ABI3BP: variants seen among roughly 807,000 people sequenced by gnomAD.
ABI3BP encodes the protein target of Nesh-SH3.
ABI3BP carries 216 observed loss-of-function variants against 268.6 expected under a neutral mutation model. The ratio of observed to expected loss-of-function variants is 0.80; its 90% CI spans 0.72 to 0.90. ABI3BP has a LOEUF of 0.90. ABI3BP is among the 40% of genes least tolerant of loss of function. ABI3BP has a pLI of 0.00. For synonymous variants in ABI3BP, 730 were observed against 730.0 expected, an observed-to-expected ratio of 1.00 and a Z score of 0.00; for missense variants, 2,090 against 2,182.4, an observed-to-expected ratio of 0.96 and a Z score of 0.84.
intron 67 of ABI3BP, among the ~76,000 whole-genome samples, 160 bp from the exon 68 acceptor site, chr3:100,750,770 G>A (rs114989020): frequency 0.01 from 1,568 of 152,212 alleles, 27 homozygotes; most frequent in African/African-American, 0.035. Flanking sequence ...TTTTTCCTGA[G>A]GTGTAGTCAT....
rs548618216 is a variant in ABI3BP, at chr3:100,811,247, G to T, written c.3524C>A (p.Pro1175Gln). Reference protein sequence around the residue: ...VVESITYVSEPPETTLETSPL... With the variant: ...VVESITYVSEQPETTLETSPL... Reference sequence around the variant, plus strand: ...GTTATTACCTAGTGTGGTCTCAGGTGGTTCAGATACATATGTAATAGATTC... The same window carrying T: ...GTTATTACCTAGTGTGGTCTCAGGTTGTTCAGATACATATGTAATAGATTC... The change falls in exon 48 of 68, where the codon CCA becomes CAA. Residue 1175 changes from proline (P) to glutamine (Q), a missense_variant. Coordinates refer to ENST00000471714, the MANE Select transcript of ABI3BP (RefSeq NM_001375547.2). 254 of 1,534,352 alleles carry T rather than the reference G, an allele frequency of 1.7e-4. 1 individual carries two copies. The African/African-American group carries it at 2.7e-3, about 17-fold the overall frequency.
intron 1 of ABI3BP, among the ~76,000 whole-genome samples, chr3:100,932,309 A>G (rs2063914392): frequency 1.3e-5 from 2 of 150,666 alleles, no homozygotes; most frequent in Non-Finnish European, 3.0e-5. Flanking sequence ...ATTTCATGAC[A>G]AAGTCTCCCA....
At chr3:100,989,398 C>T (rs964050631) in intron 1 of ABI3BP, among the ~76,000 whole-genome samples, 10 of 152,108 alleles carry the variant, frequency 6.6e-5, no homozygotes, top group South Asian at 2.1e-4. Flanking sequence ...AAGAATGTTA[C>T]CTGTGATAAT....
intron 55 of ABI3BP, among the ~76,000 whole-genome samples, chr3:100,790,461 T>TA (rs1220779779): frequency 6.6e-6 from 1 of 152,046 alleles, no homozygotes; most frequent in Non-Finnish European, 1.5e-5. Context: ...AGTGGATATT[T>TA]ATATAGCCAT....
intron 20 of ABI3BP, among the ~76,000 whole-genome samples, chr3:100,843,293 G>A (rs919881559): frequency 4.6e-5 from 7 of 152,118 alleles, no homozygotes; most frequent in South Asian, 2.1e-4. Context: ...TAAAAGCCCC[G>A]AATTCTGATT....
In ABI3BP at chr3:100,840,232, T is replaced by A. The variant is rs895397601; in HGVS notation, c.1805-68A>T. 3 of 1,219,136 alleles carry A rather than the reference T, an allele frequency of 2.5e-6. No homozygotes were observed. In the East Asian group the frequency reaches 7.8e-5, roughly 32 times the overall value. 75.5% of individuals were successfully genotyped at this position (1,219,136 alleles called of 1,614,324 possible). Reference sequence around the variant, plus strand: ...TTACAAACTGATGATAAATATTACATCCATCTTAGAAGGACATTTAAACCC... The same window carrying A: ...TTACAAACTGATGATAAATATTACAACCATCTTAGAAGGACATTTAAACCC... On this transcript the variant is annotated intron_variant, in intron 22 of 67. Coordinates refer to ENST00000471714, the MANE Select transcript of ABI3BP (RefSeq NM_001375547.2).
At chr3:100,841,915 A>G (rs2098709954) in intron 21 of ABI3BP, 83 bp downstream of exon 21, 7 of 1,212,336 alleles carry the variant, frequency 5.8e-6, no homozygotes, top group African/African-American at 1.6e-5. Flanking sequence ...AAAAAAAAAA[A>G]ACAAAACCCA....
intron 2 of ABI3BP, among the ~76,000 whole-genome samples, chr3:100,921,521 A>G (rs2060221908): frequency 6.6e-6 from 1 of 152,290 alleles, no homozygotes; most frequent in East Asian, 1.9e-4. Context: ...TGAGTAAAAA[A>G]AAAAAAGACA....
chr3:100,864,954 A>T, intron 10 of ABI3BP, 47 bp from the exon 11 acceptor site: 1 of 1,438,348 alleles, frequency 7.0e-7, no homozygotes, highest in South Asian at 1.2e-5. Flanking sequence ...AAAGTGAAGC[A>T]ACCAAAGACC....
chr3:100,863,832 C>A, intron 12 of ABI3BP, 170 bp downstream of exon 12: 2 of 553,216 alleles, frequency 3.6e-6, no homozygotes, highest in East Asian at 2.9e-5. Flanking sequence ...AAAAACAACC[C>A]AACCAAACAA....
intron 2 of ABI3BP, chr3:100,914,554 T>C (rs1236622247): frequency 5.0e-6 from 2 of 396,802 alleles, no homozygotes; most frequent in African/African-American, 2.1e-5. Flanking sequence ...TTGGTGCGGA[T>C]GTCACAAGAG....
At chr3:100,871,652 G>T (rs1315737534) in intron 9 of ABI3BP, among the ~76,000 whole-genome samples, 1 of 152,186 alleles carries the variant, frequency 6.6e-6, no homozygotes, top group Non-Finnish European at 1.5e-5. Context: ...GATATGACTT[G>T]CTCCTCCTTG....
chr3:100,820,246 C>T lies in ABI3BP; in HGVS notation c.3005G>A (p.Ser1002Asn). 6.5e-7 allele frequency: 1 copy of T among 1,536,166 alleles called. No individual in the cohort carries two copies. The highest frequency in any genetic ancestry group is 8.7e-7 in the Non-Finnish European group (1 of 1,146,848). The stretch of plus-strand genomic sequence containing the variant: ...CAGTTTGGTTTGAGGAACCTCAGGA[C>T]TTGGTGTGGTTTTAGTTTTGGGACG... ...RPRPKTKTTP[S>N]PEVPQTKLVP... The change falls in exon 40 of 68, where the codon AGT becomes AAT. Residue 1002 changes from serine (S) to asparagine (N), a missense_variant. Transcript: ENST00000471714.
intron 1 of ABI3BP, among the ~76,000 whole-genome samples, chr3:100,973,954 T>C (rs978431066): frequency 1.1e-4 from 17 of 152,166 alleles, no homozygotes; most frequent in Non-Finnish European, 2.1e-4. Context: ...TTATACCTTT[T>C]AGACAAGATG....
chr3:100,977,877 A>T (rs1170629674), intron 1 of ABI3BP, among the ~76,000 whole-genome samples: 1 of 152,188 alleles, frequency 6.6e-6, no homozygotes, highest in African/African-American at 2.4e-5. Flanking sequence ...TTAGTTACAA[A>T]GTATGAGATT....
chr3:100,986,266 A>C (rs1420525659), intron 1 of ABI3BP, among the ~76,000 whole-genome samples: 1 of 152,176 alleles, frequency 6.6e-6, no homozygotes. Flanking sequence ...GTGAGCTTGG[A>C]AGTAAATCCT....
At position 100,820,305 on chromosome 3, in the gene ABI3BP, T is replaced by C. The variant is rs2098181906; in HGVS notation, c.2948-2A>G. ...GAGTTCGTTGTGATGTTTTAGGAGC[T>C]GAAGAAAGAAAACCTTTAGTTACTA... On this transcript the variant is annotated splice_acceptor_variant, in intron 39 of 67. Coordinates refer to ENST00000471714, the MANE Select transcript of ABI3BP (RefSeq NM_001375547.2). LOFTEE classifies it high-confidence loss of function. 2.6e-6 allele frequency: 4 copies of C among 1,535,488 alleles called. No homozygotes were observed. Among genetic ancestry groups the C allele is most frequent in the Non-Finnish European group, 3.5e-6 (4 of 1,146,498 alleles).
At chr3:100,876,444 G>A (rs2099161662) in intron 7 of ABI3BP, 68 bp downstream of exon 7, 2 of 1,368,064 alleles carry the variant, frequency 1.5e-6, no homozygotes, top group African/African-American at 3.0e-5. Flanking sequence ...TATGTGCCGT[G>A]TTTGATTACC....
intron 27 of ABI3BP, among the ~76,000 whole-genome samples, chr3:100,836,363 T>C (rs1206629371): frequency 1.3e-5 from 2 of 152,196 alleles, no homozygotes; most frequent in Non-Finnish European, 2.9e-5. Flanking sequence ...TCTCCATTTA[T>C]CTTTCACTAA....
Sources: allele counts gnomAD v4.1 joint callset (sites outside exome capture counted in the v4.1 genomes callset), GRCh38; gene constraint gnomAD v4.1.1; transcripts MANE v1.5; gene names NCBI Gene and HGNC (gene_info 2026-07-23, HGNC 2026-07-21).